CBFB: variants seen among roughly 807,000 people sequenced by gnomAD.
CBFB encodes the protein core-binding factor subunit beta.
CBFB carries 9 observed loss-of-function variants against 30.4 expected under a neutral mutation model. The ratio of observed to expected loss-of-function variants is 0.30; its 90% CI spans 0.18 to 0.52. The LOEUF is 0.52. CBFB is among the 20% of genes least tolerant of loss of function. CBFB has a pLI of 0.97. For missense variants in CBFB, 170 were observed against 244.0 expected (o/e 0.70, Z 2.02); for synonymous variants, 94 against 84.0 (o/e 1.12, Z -0.65).
intron 4 of CBFB, among the ~76,000 whole-genome samples, chr16:67,072,284 A>G (rs1163470266): frequency 3.3e-5 from 5 of 152,170 alleles, no homozygotes; most frequent in African/African-American, 1.2e-4. Flanking sequence ...ATAAAACAAC[A>G]TGTGCACATT....
At chr16:67,066,871 T>G (rs1961075228) in intron 4 of CBFB, 73 bp downstream of exon 4, 1 of 794,156 alleles carries the variant, frequency 1.3e-6, no homozygotes, top group Admixed American at 2.0e-5. Context: ...GGGACCTATT[T>G]TACCCAATTT....
At chr16:67,095,815 C>T (rs920913856) in intron 5 of CBFB, among the ~76,000 whole-genome samples, 1 of 151,724 alleles carries the variant, frequency 6.6e-6, no homozygotes, top group African/African-American at 2.4e-5. Flanking sequence ...GCCTCAGACT[C>T]CCGAGTATCT....
At chr16:67,032,756 G>A (rs1388764671) in intron 2 of CBFB, among the ~76,000 whole-genome samples, 3 of 152,172 alleles carry the variant, frequency 2.0e-5, no homozygotes, top group Non-Finnish European at 4.4e-5. Flanking sequence ...GTGGAAAAAG[G>A]CATTATTTTG....
In CBFB at chr16:67,036,653, A is replaced by G. The variant is rs1404502332; in HGVS notation, c.180A>G (p.Thr60=). 6.2e-7 allele frequency: 1 copy of G among 1,612,070 alleles called. No homozygotes were observed. The highest frequency in any genetic ancestry group is 8.5e-7 in the Non-Finnish European group (1 of 1,178,112). Residue 60 remains threonine, a synonymous_variant, in exon 3 of 6, where the codon ACA becomes ACG. Transcript: ENST00000412916. ...DGRSEIAFVA[T]GTNLSLQFFP... ...TTTTCTAAAAGGCTTTTGTGGCCACAGGAACCAATCTGTCTCTCCAGTTTT... is the reference window on the plus strand; with the variant it reads ...TTTTCTAAAAGGCTTTTGTGGCCACGGGAACCAATCTGTCTCTCCAGTTTT...
intron 3 of CBFB, among the ~76,000 whole-genome samples, chr16:67,055,520 ATTTTTTTGTAT>A (rs1170525530): frequency 6.6e-6 from 1 of 151,188 alleles, no homozygotes; most frequent in Non-Finnish European, 1.5e-5. Context: ...CGCCCAGCTG[ATTTTTTTGTAT>A]TTTTTTAGTA....
intron 3 of CBFB, among the ~76,000 whole-genome samples, chr16:67,056,608 C>A (rs772501716): frequency 6.6e-6 from 1 of 151,586 alleles, no homozygotes; most frequent in Non-Finnish European, 1.5e-5. Flanking sequence ...TCCCGTGTAA[C>A]ATGCTTGTTT....
chr16:67,084,765 G>A (rs181558875), intron 5 of CBFB, among the ~76,000 whole-genome samples: 75 of 150,824 alleles, frequency 5.0e-4, no homozygotes, highest in African/African-American at 1.6e-3. Context: ...GTGTGCATAC[G>A]TGTGTGTGTG....
At chr16:67,095,912 G>A (rs372272269) in intron 5 of CBFB, among the ~76,000 whole-genome samples, 300 of 151,498 alleles carry the variant, frequency 2.0e-3, no homozygotes, top group African/African-American at 6.7e-3. Context: ...GGCTGATCTC[G>A]AACTCCTGAC....
chr16:67,055,692 C>G lies in CBFB; in HGVS notation c.283-10990C>G, dbSNP rs371836177. Among the ~76,000 whole-genome samples, 25 of 152,222 alleles carry G rather than the reference C, an allele frequency of 1.6e-4. 1 individual carries two copies. The East Asian group carries it at 1.9e-3, about 12-fold the overall frequency. On this transcript the variant is annotated intron_variant, in intron 3 of 5. Transcript: ENST00000412916. Reference sequence around the variant, plus strand: ...TCTTTAGTTTTTCATTTTATGATTTCTCTTTTGGACTGTAAGATGATCGGT... The same window carrying G: ...TCTTTAGTTTTTCATTTTATGATTTGTCTTTTGGACTGTAAGATGATCGGT...
chr16:67,071,190 G>A (rs1245139693), intron 4 of CBFB, among the ~76,000 whole-genome samples: 3 of 152,102 alleles, frequency 2.0e-5, no homozygotes, highest in Non-Finnish European at 1.5e-5. Flanking sequence ...TAGATGCTAG[G>A]GGCAGGAGTT....
chr16:67,044,987 A>G lies in CBFB; in HGVS notation c.282+8232A>G, dbSNP rs893754102. 3.3e-5 allele frequency among the ~76,000 whole-genome samples: 5 copies of G among 152,152 alleles called. No homozygotes were observed. In the South Asian group the frequency reaches 6.2e-4, roughly 19 times the overall value. On this transcript the variant is annotated intron_variant, in intron 3 of 5. Transcript: ENST00000412916. ...AAATATGAATTGACAGCACTTAGTT[A>G]TTGACAGTTTAGTGTATTGAAATCT...
At chr16:67,059,503 C>G (rs898581522) in intron 3 of CBFB, among the ~76,000 whole-genome samples, 1 of 152,184 alleles carries the variant, frequency 6.6e-6, no homozygotes, top group Non-Finnish European at 1.5e-5. Flanking sequence ...GGCTCAAACA[C>G]ATACATTTTT....
chr16:67,085,710 C>A (rs901488850), intron 5 of CBFB, among the ~76,000 whole-genome samples: 1 of 137,612 alleles, frequency 7.3e-6, no homozygotes, highest in African/African-American at 2.8e-5. Context: ...CGGAGTCTCG[C>A]TCTGTCGCCC....
chr16:67,088,275 C>T (rs1961784229), intron 5 of CBFB, among the ~76,000 whole-genome samples: 1 of 152,076 alleles, frequency 6.6e-6, no homozygotes. Flanking sequence ...TTCCTAATGT[C>T]ACCTTATTTT....
intron 3 of CBFB, among the ~76,000 whole-genome samples, chr16:67,046,827 T>C (rs1966635423): frequency 6.6e-6 from 1 of 152,214 alleles, no homozygotes; most frequent in African/African-American, 2.4e-5. Flanking sequence ...CTTTGATGCT[T>C]AGTTTTGTAC....
chr16:67,037,075 T>C (rs1262778652), intron 3 of CBFB, among the ~76,000 whole-genome samples: 1 of 152,070 alleles, frequency 6.6e-6, no homozygotes, highest in Non-Finnish European at 1.5e-5. Context: ...ATTTTTGTAT[T>C]TTTAGTGGAG....
At chr16:67,098,558 TG>T in intron 5 of CBFB, 151 bp from the exon 6 acceptor site, 1 of 571,108 alleles carries the variant, frequency 1.8e-6, no homozygotes, top group South Asian at 2.4e-5. Context: ...TAATTTTAAT[TG>T]GTTTTTTTTT....
chr16:67,075,200 T>C (rs55732715), intron 4 of CBFB, among the ~76,000 whole-genome samples: 6,443 of 108,328 alleles, frequency 0.059, 230 homozygotes, highest in African/African-American at 0.26. Flanking sequence ...AAAAAAAATG[T>C]GTGTGTGTGT....
At chr16:67,066,841 C>G (rs1401490112) in intron 4 of CBFB, 43 bp downstream of exon 4, 1 of 1,113,332 alleles carries the variant, frequency 9.0e-7, no homozygotes, top group Admixed American at 1.8e-5. Context: ...CCCTTTAGTC[C>G]CTAATCTTGC....
Sources: gnomAD v4.1 joint callset for allele counts (sites outside exome capture counted in the v4.1 genomes callset) on GRCh38, gnomAD v4.1.1 for gene constraint, MANE v1.5 for transcripts, NCBI Gene and HGNC (gene_info 2026-07-23, HGNC 2026-07-21) for gene names.